Variants in ZNF664 observed in about 807,000 individuals in gnomAD.
The protein encoded by ZNF664 is zinc finger protein 664.
In ZNF664, 10 loss-of-function variants were observed where a neutral mutation model predicts 18.2. That is an observed-to-expected ratio of 0.55 (90% CI 0.34 to 0.93). The LOEUF is 0.93. ZNF664 is among the 40% of genes least tolerant of loss of function. ZNF664 has a pLI of 0.02. For missense variants in ZNF664, 193 were observed against 319.0 expected (o/e 0.61, Z 3.01); for synonymous variants, 119 against 104.2 (o/e 1.14, Z -0.86).
intron 2 of ZNF664, among the ~76,000 whole-genome samples, chr12:123,982,401 C>T (rs550026616): frequency 1.3e-5 from 2 of 152,172 alleles, no homozygotes; most frequent in East Asian, 3.9e-4. Flanking sequence ...CCAGGCTTCT[C>T]CTGCTCACTG....
chr12:124,013,035 C>T lies in ZNF664; in HGVS notation c.*105C>T. The T allele has an allele frequency of 7.4e-7, 1 of 1,359,798 alleles. No homozygotes were observed. Among genetic ancestry groups the T allele is most frequent in the Non-Finnish European group, 9.9e-7 (1 of 1,011,308 alleles). The allele number at this position is 1,359,798 out of a possible 1,614,324, so 84.2% of individuals were successfully genotyped here. A position where few individuals can be genotyped will look rare whatever the true frequency, so the allele number is the denominator to read the frequency against. Reference sequence around the variant, plus strand: ...CAAGAAATATTTACGCAATCCCTAGCAGAACATTGTTTCTGAGGAGGCATA... The same window carrying T: ...CAAGAAATATTTACGCAATCCCTAGTAGAACATTGTTTCTGAGGAGGCATA... On this transcript the variant is annotated 3_prime_UTR_variant, in exon 5 of 5. Coordinates refer to ENST00000337815, the MANE Select transcript of ZNF664 (RefSeq NM_152437.3).
At chr12:123,984,617 G>A (rs924336120) in intron 2 of ZNF664, among the ~76,000 whole-genome samples, 2 of 152,036 alleles carry the variant, frequency 1.3e-5, no homozygotes, top group Non-Finnish European at 2.9e-5. Context: ...TGTGGGGGCC[G>A]GGGAGGAGGA....
At chr12:124,004,545 C>T (rs889306124) in intron 3 of ZNF664, among the ~76,000 whole-genome samples, 16 of 152,208 alleles carry the variant, frequency 1.1e-4, no homozygotes, top group East Asian at 3.8e-4. Context: ...TTCTTTCTTA[C>T]GGCTTTAGAT....
chr12:124,005,565 A>C (rs1335995386), intron 3 of ZNF664, among the ~76,000 whole-genome samples: 2 of 150,700 alleles, frequency 1.3e-5, no homozygotes, highest in African/African-American at 4.9e-5. Flanking sequence ...TCATTATATA[A>C]AAAGAAAACA....
intron 2 of ZNF664, among the ~76,000 whole-genome samples, chr12:123,977,213 C>T (rs760422661): frequency 1.2e-4 from 19 of 152,142 alleles, no homozygotes; most frequent in Non-Finnish European, 2.6e-4. Flanking sequence ...TTAAAAGTAT[C>T]AGAGAGTCAA....
In ZNF664 at chr12:123,974,362, A is replaced by G. The variant is rs564133791; in HGVS notation, c.-757+342A>G. 29 of 234,730 alleles carry G rather than the reference A, an allele frequency of 1.2e-4. No homozygotes were observed. In the South Asian group the frequency reaches 4.9e-3, roughly 39 times the overall value. 14.5% of individuals were successfully genotyped at this position (234,730 alleles called of 1,614,324 possible). A position where few individuals can be genotyped will look rare whatever the true frequency, so the allele number is the denominator to read the frequency against. On this transcript the variant is annotated intron_variant, in intron 2 of 4. Coordinates refer to ENST00000337815, the MANE Select transcript of ZNF664 (RefSeq NM_152437.3). Reference sequence around the variant, plus strand: ...GATACCGAAAAAAGATTTCTGAGCTATTGCCTTCTTCAAGGAACGTTTTCT... The same window carrying G: ...GATACCGAAAAAAGATTTCTGAGCTGTTGCCTTCTTCAAGGAACGTTTTCT...
chr12:123,981,757 G>A (rs975196330), intron 2 of ZNF664, among the ~76,000 whole-genome samples: 1 of 152,184 alleles, frequency 6.6e-6, no homozygotes, highest in African/African-American at 2.4e-5. Context: ...TCACGAAGAG[G>A]ATTTACAAAG....
rs1012042594 is a variant in ZNF664 at position 124,010,209 on chromosome 12, G to A, written c.-660-1172G>A. ...AATTTTGGGGACCTAATTGAATTTT[G>A]TAATTGTAACACTTTCACCTATAAG... On this transcript the variant is annotated intron_variant, in intron 3 of 4. Coordinates refer to ENST00000337815, the MANE Select transcript of ZNF664 (RefSeq NM_152437.3). 3.3e-5 allele frequency among the ~76,000 whole-genome samples: 5 copies of A among 152,086 alleles called. No homozygotes were observed. The East Asian group carries it at 9.6e-4, about 29-fold the overall frequency.
chr12:124,015,255 T>G lies in ZNF664; in HGVS notation c.*2325T>G, dbSNP rs1422550079. 1.2e-5 allele frequency: 2 copies of G among 167,078 alleles called. No individual in the cohort carries two copies. Among genetic ancestry groups the G allele is most frequent in the African/African-American group, 4.8e-5 (2 of 41,474 alleles). 10.3% of individuals were successfully genotyped at this position (167,078 alleles called of 1,614,324 possible). A position where few individuals can be genotyped will look rare whatever the true frequency, so the allele number is the denominator to read the frequency against. The stretch of plus-strand genomic sequence containing the variant: ...GTTTCCAGCTAGTCCTAGAGTTCTA[T>G]ATTTCTACATAGTTGAATTATTTTA... On this transcript the variant is annotated 3_prime_UTR_variant, in exon 5 of 5. Transcript: ENST00000337815.
At chr12:123,995,457 C>T (rs1956937488) in intron 3 of ZNF664, among the ~76,000 whole-genome samples, 1 of 152,182 alleles carries the variant, frequency 6.6e-6, no homozygotes, top group African/African-American at 2.4e-5. Flanking sequence ...TAACGCTGCT[C>T]CATGGCTCAG....
chr12:123,987,511 C>T (rs966004891), intron 2 of ZNF664, among the ~76,000 whole-genome samples: 4 of 152,170 alleles, frequency 2.6e-5, no homozygotes, highest in African/African-American at 9.7e-5. Context: ...ATTACCTTAT[C>T]AGATCAGCTG....
chr12:123,990,759 T>G (rs920435836), intron 3 of ZNF664, among the ~76,000 whole-genome samples: 1 of 152,134 alleles, frequency 6.6e-6, no homozygotes, highest in African/African-American at 2.4e-5. Context: ...GGGAGACAAA[T>G]CCAGTAGTCA....
intron 2 of ZNF664, 126 bp downstream of exon 2, chr12:123,974,146 C>G: frequency 1.6e-6 from 1 of 620,440 alleles, no homozygotes; most frequent in East Asian, 3.5e-5. Context: ...CGTATACCCC[C>G]TCCCAGACAT....
intron 3 of ZNF664, among the ~76,000 whole-genome samples, chr12:124,007,766 A>ATTCATCCAT (rs55967424): frequency 6.6e-6 from 1 of 151,842 alleles, no homozygotes; most frequent in Non-Finnish European, 1.5e-5. Context: ...AGAGTAGACT[A>ATTCATCCAT]TTATCTCTTA....
chr12:123,976,834 C>T (rs1305758905), intron 2 of ZNF664, among the ~76,000 whole-genome samples: 1 of 151,816 alleles, frequency 6.6e-6, no homozygotes, highest in Non-Finnish European at 1.5e-5. Flanking sequence ...CACCTGTAAT[C>T]CCAGCACTTT....
At chr12:123,973,797 C>T (rs1004097749) in intron 1 of ZNF664, 89 bp from the exon 2 acceptor site, 4 of 1,200,276 alleles carry the variant, frequency 3.3e-6, no homozygotes, top group South Asian at 8.7e-5. Context: ...AGGCGGGTCC[C>T]GGGAGAGGCG....
intron 2 of ZNF664, among the ~76,000 whole-genome samples, chr12:123,975,626 A>C (rs1235182962): frequency 6.6e-6 from 1 of 152,068 alleles, no homozygotes; most frequent in Non-Finnish European, 1.5e-5. Context: ...ACAGGCTCTT[A>C]CTATCTTGCC....
chr12:124,001,772 C>A (rs1358613305), intron 3 of ZNF664, among the ~76,000 whole-genome samples: 1 of 152,222 alleles, frequency 6.6e-6, no homozygotes, highest in Non-Finnish European at 1.5e-5. Flanking sequence ...GCAGCTTGCA[C>A]TCGGAAAGGG....
Position 124,013,626 on chromosome 12 carries a change from CTGTT to C in ZNF664, c.*697_*700del, listed in dbSNP as rs1957158788. The C allele has an allele frequency of 6.0e-6, 1 of 167,196 alleles. No individual in the cohort carries two copies. Among genetic ancestry groups the C allele is most frequent in the Admixed American group, 6.5e-5 (1 of 15,304 alleles). The allele number at this position is 167,196 out of a possible 1,614,324, so 10.4% of individuals were successfully genotyped here. ...GTGTGGATTCTGCTCATCACTGTCT[CTGTT>C]AGACTTATTTTGTAGTGGCTGCATC... On this transcript the variant is annotated 3_prime_UTR_variant, in exon 5 of 5. Transcript: ENST00000337815.
Sources: allele counts gnomAD v4.1 joint callset (sites outside exome capture counted in the v4.1 genomes callset), GRCh38; gene constraint gnomAD v4.1.1; transcripts MANE v1.5; gene names NCBI Gene and HGNC (gene_info 2026-07-23, HGNC 2026-07-21).